The following ASPRV1 variants were observed in gnomAD, a reference collection of about 807,000 sequenced individuals.
ASPRV1 encodes the protein aspartic peptidase retroviral like 1.
A neutral mutation model predicts 11.0 loss-of-function variants in ASPRV1; 7 were observed. The ratio of observed to expected loss-of-function variants is 0.64; its 90% CI spans 0.36 to 1.20. The LOEUF is 1.20. Ranked by LOEUF, ASPRV1 falls within the 50% of genes most tolerant of loss-of-function variation. The probability of loss-of-function intolerance (pLI) is 0.02; values close to 1 mark genes in which losing one functional copy is unlikely to be tolerated. For missense variants in ASPRV1, 299 were observed against 320.0 expected, an observed-to-expected ratio of 0.93 and a Z score of 0.50; for synonymous variants, 136 against 138.4, an observed-to-expected ratio of 0.98 and a Z score of 0.12.
the ASPRV1 span, chr2:70,017,966 C>T: frequency 1.3e-5 from 2 of 151,726 alleles, no homozygotes; most frequent in African/African-American, 4.8e-5. Context: ...ATGGTGAAAC[C>T]CCATCTCTAC....
chr2:69,938,027 A>G, the ASPRV1 span: 20 of 1,472,392 alleles, frequency 1.4e-5, no homozygotes, highest in Admixed American at 1.9e-5. Context: ...GATTACAAGC[A>G]TGAGCCACCA....
the ASPRV1 span, among the ~76,000 whole-genome samples, chr2:70,052,966 T>C: frequency 6.6e-6 from 1 of 152,154 alleles, no homozygotes; most frequent in Non-Finnish European, 1.5e-5. Flanking sequence ...GGCCTACATC[T>C]TTCTATGAGC....
At chr2:70,074,007 G>A in the ASPRV1 span, among the ~76,000 whole-genome samples, 9 of 151,144 alleles carry the variant, frequency 6.0e-5, no homozygotes, top group Admixed American at 2.0e-4. Context: ...GGTGGCGGGC[G>A]CCTGTAGTCC....
At chr2:69,955,681 T>C (rs1005065428), downstream of ASPRV1, among the ~76,000 whole-genome samples, 3 of 152,210 alleles carry the variant, frequency 2.0e-5, no homozygotes, top group South Asian at 2.1e-4. Flanking sequence ...GATTGGATGT[T>C]TGCAGGAGCG....
At chr2:70,026,521 C>T in the ASPRV1 span, among the ~76,000 whole-genome samples, 1 of 151,780 alleles carries the variant, frequency 6.6e-6, no homozygotes, top group Non-Finnish European at 1.5e-5. Context: ...GGATACAAAA[C>T]CAACATACGA....
the ASPRV1 span, among the ~76,000 whole-genome samples, chr2:69,948,930 C>A: frequency 6.6e-6 from 1 of 152,104 alleles, no homozygotes; most frequent in Non-Finnish European, 1.5e-5. Flanking sequence ...GGGGCCCCCA[C>A]TTGGGGAGCC....
chr2:69,959,386 T>C (rs938068405), downstream of ASPRV1, among the ~76,000 whole-genome samples: 1 of 152,114 alleles, frequency 6.6e-6, no homozygotes, highest in African/African-American at 2.4e-5. Context: ...GTGGAGACTT[T>C]TGTCCACTCA....
the ASPRV1 span, among the ~76,000 whole-genome samples, chr2:69,974,611 C>T: frequency 1.3e-5 from 2 of 152,100 alleles, no homozygotes; most frequent in Non-Finnish European, 2.9e-5. Context: ...TGGCCCTGCC[C>T]AATGTATATT....
At chr2:70,067,676 A>G in the ASPRV1 span, among the ~76,000 whole-genome samples, 3 of 152,212 alleles carry the variant, frequency 2.0e-5, no homozygotes. Context: ...GAATTAAATA[A>G]AACAAAAAAT....
At chr2:70,041,798 A>G in the ASPRV1 span, among the ~76,000 whole-genome samples, 2 of 152,284 alleles carry the variant, frequency 1.3e-5, no homozygotes, top group Non-Finnish European at 2.9e-5. Flanking sequence ...GCACCATTGC[A>G]TTTACCACTT....
the ASPRV1 span, chr2:69,971,121 C>G: frequency 6.6e-6 from 1 of 151,900 alleles, no homozygotes; most frequent in African/African-American, 2.4e-5. Context: ...GAGCTGAGAT[C>G]ATGTCACTGG....
chr2:69,958,033 GA>G (rs1249171915), downstream of ASPRV1, among the ~76,000 whole-genome samples: 1 of 152,164 alleles, frequency 6.6e-6, no homozygotes. Context: ...AGGCAGGTGT[GA>G]ACTCCTCACC....
chr2:69,984,588 T>G, the ASPRV1 span, among the ~76,000 whole-genome samples: 1 of 142,612 alleles, frequency 7.0e-6, no homozygotes. Context: ...TTAAAAGAGA[T>G]AGAAAGGGGA....
downstream of ASPRV1, among the ~76,000 whole-genome samples, chr2:69,957,902 C>T (rs983760476): frequency 6.6e-6 from 1 of 152,148 alleles, no homozygotes; most frequent in Non-Finnish European, 1.5e-5. Context: ...CAAAAGCAGA[C>T]CTTAGGTATA....
the ASPRV1 span, among the ~76,000 whole-genome samples, chr2:69,952,584 G>C: frequency 2.0e-5 from 3 of 151,496 alleles, no homozygotes; most frequent in Non-Finnish European, 4.4e-5. Context: ...GAAAAGGGAA[G>C]GGAAGAAAAG....
chr2:70,005,776 C>T, the ASPRV1 span, among the ~76,000 whole-genome samples: 1 of 152,172 alleles, frequency 6.6e-6, no homozygotes, highest in African/African-American at 2.4e-5. Flanking sequence ...ACTTCACTAG[C>T]CATTCTCCTG....
At chr2:69,984,184 G>T in the ASPRV1 span, among the ~76,000 whole-genome samples, 74 of 152,018 alleles carry the variant, frequency 4.9e-4, no homozygotes, top group African/African-American at 1.5e-3. Flanking sequence ...GATTACAGGG[G>T]TGCACCACCA....
chr2:70,056,062 C>T, the ASPRV1 span: 2 of 152,248 alleles, frequency 1.3e-5, no homozygotes, highest in South Asian at 2.1e-4. Context: ...AACCCTAACA[C>T]ATTATGCTAA....
chr2:69,938,901 C>T, the ASPRV1 span: 2 of 152,898 alleles, frequency 1.3e-5, no homozygotes, highest in South Asian at 2.1e-4. Context: ...AAAATGGACA[C>T]CTTGATAGTG....
Sources: gnomAD v4.1 joint callset for allele counts (sites outside exome capture counted in the v4.1 genomes callset) on GRCh38, gnomAD v4.1.1 for gene constraint, MANE v1.5 for transcripts, NCBI Gene and HGNC (gene_info 2026-07-23, HGNC 2026-07-21) for gene names.